ROBO2: variants seen among roughly 807,000 people sequenced by gnomAD.
The protein encoded by ROBO2 is roundabout guidance receptor 2.
Under a neutral mutation model 160.8 loss-of-function variants are expected in ROBO2, and 53 were observed. The observed-to-expected ratio is 0.33, with a 90% confidence interval of 0.26 to 0.41. The LOEUF is 0.41. Ranked by LOEUF, ROBO2 falls within the 10% of genes least tolerant of loss-of-function variation. The pLI, the probability that ROBO2 is intolerant of heterozygous loss-of-function variation, is 1.00. For synonymous variants in ROBO2, 664 were observed against 611.7 expected (o/e 1.09, Z -1.26); for missense variants, 1,577 against 1,722.4 (o/e 0.92, Z 1.49).
In ROBO2 at chr3:76,572,996, T is replaced by A. The variant is rs2085048564; in HGVS notation, c.110-525018T>A. On this transcript the variant is annotated intron_variant, in intron 2 of 26. Transcript: ENST00000487694. ...GCTTTTTGGGGTATCAGCCTCTTCATTTGTGTAGTAGGAATCCAGCAAACA... is the reference window on the plus strand; with the variant it reads ...GCTTTTTGGGGTATCAGCCTCTTCAATTGTGTAGTAGGAATCCAGCAAACA... 3.3e-5 allele frequency among the ~76,000 whole-genome samples: 5 copies of A among 152,162 alleles called. No individual in the cohort carries two copies. In the South Asian group the frequency reaches 1.0e-3, roughly 31 times the overall value.
At chr3:76,064,568 T>G (rs2068186113) in intron 2 of ROBO2, among the ~76,000 whole-genome samples, 1 of 152,208 alleles carries the variant, frequency 6.6e-6, no homozygotes, top group African/African-American at 2.4e-5. Flanking sequence ...AATATATGAT[T>G]AGCTCTCTAA....
chr3:76,093,959 G>A (rs943266999), intron 2 of ROBO2, among the ~76,000 whole-genome samples: 5 of 152,076 alleles, frequency 3.3e-5, no homozygotes, highest in Admixed American at 2.6e-4. Context: ...AAGATATCAA[G>A]CATTTGAGGT....
At chr3:77,305,998 GAC>G (rs1560494619) in intron 2 of ROBO2, among the ~76,000 whole-genome samples, 1 of 151,994 alleles carries the variant, frequency 6.6e-6, no homozygotes, top group Non-Finnish European at 1.5e-5. Flanking sequence ...CAAATCTAGA[GAC>G]ACAAAAATAT....
intron 22 of ROBO2, among the ~76,000 whole-genome samples, chr3:77,620,681 T>C (rs546703115): frequency 6.6e-6 from 1 of 152,300 alleles, no homozygotes; most frequent in South Asian, 2.1e-4. Flanking sequence ...TTTTTTAACA[T>C]TGAAACATCT....
intron 2 of ROBO2, among the ~76,000 whole-genome samples, chr3:76,961,580 G>A (rs530909135): frequency 2.6e-5 from 4 of 152,256 alleles, no homozygotes; most frequent in South Asian, 2.1e-4. Flanking sequence ...TGGAAAGAAC[G>A]TGAGCTATAG....
Position 76,798,140 on chromosome 3 carries a change from G to GAA in ROBO2, c.110-299873_110-299872insAA, listed in dbSNP as rs751178223. Among the ~76,000 whole-genome samples, 154 of 115,658 alleles carry GAA rather than the reference G, an allele frequency of 1.3e-3. 4 individuals carry two copies. Among genetic ancestry groups the GAA allele is most frequent in the African/African-American group, 4.9e-3 (143 of 29,414 alleles). The allele number at this position is 115,658 out of a possible 152,430, so 75.9% of individuals were successfully genotyped here. A position where few individuals can be genotyped will look rare whatever the true frequency, so the allele number is the denominator to read the frequency against. Reference sequence around the variant, plus strand: ...AGAGAAAGAAGAAAGAAAGAAGAAAGAGAAAGAAAGAAAGAAAGAAAGAAA... The same window carrying GAA: ...AGAGAAAGAAGAAAGAAAGAAGAAAGAAAGAAAGAAAGAAAGAAAGAAAGAAA... On this transcript the variant is annotated intron_variant, in intron 2 of 26. Coordinates refer to the ROBO2 transcript ENST00000487694.
chr3:76,876,376 T>G (rs1408208274), intron 2 of ROBO2, among the ~76,000 whole-genome samples: 1 of 152,180 alleles, frequency 6.6e-6, no homozygotes, highest in African/African-American at 2.4e-5. Flanking sequence ...CTTTGACTTA[T>G]ATAAAGAGTA....
chr3:77,055,414 T>A (rs1409711696), intron 1 of ROBO2, among the ~76,000 whole-genome samples: 1 of 152,144 alleles, frequency 6.6e-6, no homozygotes, highest in Admixed American at 6.6e-5. Flanking sequence ...TGGGGAGTCA[T>A]GTATAAATGA....
At chr3:76,183,530 CATTT>C (rs1201689746) in intron 2 of ROBO2, among the ~76,000 whole-genome samples, 7 of 151,996 alleles carry the variant, frequency 4.6e-5, no homozygotes, top group Admixed American at 2.0e-4. Flanking sequence ...ATCATTTCTT[CATTT>C]ATTTATTCAT....
At chr3:77,056,643 C>T (rs2065774687) in intron 1 of ROBO2, among the ~76,000 whole-genome samples, 1 of 152,034 alleles carries the variant, frequency 6.6e-6, no homozygotes. Flanking sequence ...TTTAAATCCA[C>T]AGATAACTCA....
chr3:76,301,057 G>T (rs78187129), intron 2 of ROBO2, among the ~76,000 whole-genome samples: 3 of 152,164 alleles, frequency 2.0e-5, no homozygotes, highest in African/African-American at 7.2e-5. Flanking sequence ...AAGAAGAAAG[G>T]AAGAAAGTCT....
chr3:76,089,477 T>C (rs1483341824), intron 2 of ROBO2, among the ~76,000 whole-genome samples: 3 of 152,148 alleles, frequency 2.0e-5, no homozygotes, highest in African/African-American at 7.2e-5. Context: ...AAAAGAATTA[T>C]ACACCACAAC....
chr3:77,562,767 C>T (rs372231024), intron 10 of ROBO2, 35 bp downstream of exon 11: 48 of 1,429,904 alleles, frequency 3.4e-5, no homozygotes, highest in Non-Finnish European at 4.5e-5. Flanking sequence ...AATCTTGGGC[C>T]CCTTTTCTGA....
At chr3:76,336,162 T>A (rs1317068355) in intron 2 of ROBO2, among the ~76,000 whole-genome samples, 1 of 152,202 alleles carries the variant, frequency 6.6e-6, no homozygotes, top group Non-Finnish European at 1.5e-5. Flanking sequence ...ACCTAAAATC[T>A]TGTTCTCATT....
At chr3:76,397,195 A>G (rs957729134) in intron 2 of ROBO2, among the ~76,000 whole-genome samples, 18 of 152,302 alleles carry the variant, frequency 1.2e-4, no homozygotes, top group African/African-American at 3.4e-4. Context: ...CTGATCTTTG[A>G]CAAATCTGAG....
exon 14 of ROBO2, chr3:77,574,648 T>A (rs191395661): frequency 1.2e-6 from 2 of 1,613,354 alleles, no homozygotes; most frequent in Admixed American, 3.3e-5. Flanking sequence ...AGGGGGTGAC[T>A]TATGAAATTA....
rs137859679 is a variant in ROBO2, at chr3:76,446,511, G to A, written c.109+508909G>A. 3.4e-3 allele frequency among the ~76,000 whole-genome samples: 517 copies of A among 152,194 alleles called. 6 individuals carry two copies. The highest frequency in any genetic ancestry group is 0.012 in the African/African-American group (500 of 41,522). ...ATGCCATCCCCATCAAGCTACCAATGACTTTCTTCACAGAATTGGAAAAAA... is the reference window on the plus strand; with the variant it reads ...ATGCCATCCCCATCAAGCTACCAATAACTTTCTTCACAGAATTGGAAAAAA... On this transcript the variant is annotated intron_variant, in intron 2 of 26. Coordinates refer to the ROBO2 transcript ENST00000487694.
chr3:77,503,787 TA>T (rs1291477543), intron 5 of ROBO2, among the ~76,000 whole-genome samples: 1 of 152,130 alleles, frequency 6.6e-6, no homozygotes, highest in African/African-American at 2.4e-5. Context: ...GGAAAAGTTG[TA>T]ATTTGATACT....
At chr3:77,304,920 T>G (rs1311582591) in intron 2 of ROBO2, among the ~76,000 whole-genome samples, 1 of 152,198 alleles carries the variant, frequency 6.6e-6, no homozygotes, top group African/African-American at 2.4e-5. Flanking sequence ...TTTGTAAGTC[T>G]GCAGTATTTT....
Sources: gnomAD v4.1 joint callset for allele counts (sites outside exome capture counted in the v4.1 genomes callset) on GRCh38, gnomAD v4.1.1 for gene constraint, MANE v1.5 for transcripts, NCBI Gene and HGNC (gene_info 2026-07-23, HGNC 2026-07-21) for gene names.